Variants in TCF7L1 observed in about 807,000 individuals in gnomAD.
TCF7L1 encodes transcription factor 7 like 1.
In TCF7L1, 18 loss-of-function variants were observed where a neutral mutation model predicts 63.7. The ratio of observed to expected loss-of-function variants is 0.28; its 90% CI spans 0.20 to 0.42. The LOEUF is 0.42. Ranked by LOEUF, TCF7L1 falls within the 10% of genes least tolerant of loss-of-function variation. The probability of loss-of-function intolerance (pLI) is 1.00; values close to 1 mark genes in which losing one functional copy is unlikely to be tolerated. For missense variants in TCF7L1, 654 were observed against 779.3 expected, an observed-to-expected ratio of 0.84 and a Z score of 1.91; for synonymous variants, 355 against 340.9, an observed-to-expected ratio of 1.04 and a Z score of -0.46.
At chr2:85,245,986 C>A (rs1680455396) in intron 3 of TCF7L1, among the ~76,000 whole-genome samples, 1 of 152,172 alleles carries the variant, frequency 6.6e-6, no homozygotes, top group African/African-American at 2.4e-5. Context: ...CCAGAAAGAT[C>A]TCCAAGTGAA....
In TCF7L1 at chr2:85,175,685, C is replaced by G. The variant is rs1367447682; in HGVS notation, c.441+41235C>G. 2.0e-5 allele frequency among the ~76,000 whole-genome samples: 3 copies of G among 152,122 alleles called. No homozygotes were observed. In the East Asian group the frequency reaches 5.8e-4, roughly 29 times the overall value. ...CGCTGTTATCTGTATTCATTGTCTG[C>G]CTAAATAGTAGTGAACAGAGAAAAA... On this transcript the variant is annotated intron_variant, in intron 3 of 11. Transcript: ENST00000282111.
chr2:85,189,300 C>A (rs546093880), intron 3 of TCF7L1, among the ~76,000 whole-genome samples: 39 of 152,186 alleles, frequency 2.6e-4, no homozygotes, highest in Non-Finnish European at 4.6e-4. Context: ...CTTTCGAGAT[C>A]ATTTTTCTTG....
chr2:85,241,085 C>G (rs1680309463), intron 3 of TCF7L1, among the ~76,000 whole-genome samples: 2 of 152,174 alleles, frequency 1.3e-5, no homozygotes, highest in Admixed American at 6.5e-5. Context: ...ATCAGGAAAT[C>G]AGAAAGTACA....
chr2:85,305,784 C>A (rs1259735559), intron 8 of TCF7L1, among the ~76,000 whole-genome samples: 2 of 152,110 alleles, frequency 1.3e-5, no homozygotes, highest in East Asian at 1.9e-4. Context: ...GCACCAGGGT[C>A]CTTACCTTGC....
intron 3 of TCF7L1, among the ~76,000 whole-genome samples, chr2:85,184,599 T>C (rs948653687): frequency 6.6e-6 from 1 of 152,172 alleles, no homozygotes; most frequent in Non-Finnish European, 1.5e-5. Context: ...GAAGGCCAGA[T>C]TCCTCACCTG....
intron 11 of TCF7L1, among the ~76,000 whole-genome samples, 183 bp downstream of exon 11, chr2:85,307,900 G>T (rs1040171279): frequency 1.3e-5 from 2 of 152,160 alleles, no homozygotes; most frequent in Non-Finnish European, 2.9e-5. Flanking sequence ...ATTTTCCCAG[G>T]CACTCTGCTT....
chr2:85,208,058 C>T lies in TCF7L1; in HGVS notation c.441+73608C>T, dbSNP rs1449866098. ...AGTAGCTGGGACTACAGGCGCCCGCCACCACACATGGCCAATTTTTTGTGT... is the reference window on the plus strand; with the variant it reads ...AGTAGCTGGGACTACAGGCGCCCGCTACCACACATGGCCAATTTTTTGTGT... On this transcript the variant is annotated intron_variant, in intron 3 of 11. Coordinates refer to ENST00000282111, the MANE Select transcript of TCF7L1 (RefSeq NM_031283.3). 2.0e-5 allele frequency among the ~76,000 whole-genome samples: 3 copies of T among 152,080 alleles called. No individual in the cohort carries two copies. In the East Asian group the frequency reaches 5.8e-4, roughly 29 times the overall value.
At chr2:85,300,861 C>G (rs1681954714) in intron 4 of TCF7L1, among the ~76,000 whole-genome samples, 1 of 151,844 alleles carries the variant, frequency 6.6e-6, no homozygotes, top group Non-Finnish European at 1.5e-5. Context: ...CTCACTGCAG[C>G]CTCTGCCTCC....
chr2:85,207,439 A>G (rs557848636), intron 3 of TCF7L1, among the ~76,000 whole-genome samples: 91 of 152,158 alleles, frequency 6.0e-4, no homozygotes, highest in Middle Eastern at 3.4e-3. Flanking sequence ...CACCCTTGGC[A>G]CTTATCTGAA....
At chr2:85,142,521 A>G (rs1023921189) in intron 3 of TCF7L1, among the ~76,000 whole-genome samples, 13 of 151,332 alleles carry the variant, frequency 8.6e-5, no homozygotes, top group African/African-American at 3.2e-4. Context: ...ACACAGACAC[A>G]ATTTGTGTGT....
In TCF7L1 at chr2:85,150,472, T is replaced by C. The variant is rs552101653; in HGVS notation, c.441+16022T>C. On this transcript the variant is annotated intron_variant, in intron 3 of 11. Transcript: ENST00000282111. ...TGGTCTCGATCTCCTGACCTCGTGA[T>C]CCACCCGCCTTGGCCTCCCAAAGTG... 2.6e-5 allele frequency among the ~76,000 whole-genome samples: 4 copies of C among 152,262 alleles called. No individual in the cohort carries two copies. In the South Asian group the frequency reaches 8.3e-4, roughly 32 times the overall value.
intron 3 of TCF7L1, among the ~76,000 whole-genome samples, chr2:85,154,474 T>C (rs990562535): frequency 1.3e-5 from 2 of 152,120 alleles, no homozygotes; most frequent in Non-Finnish European, 2.9e-5. Flanking sequence ...GGGAGTGTAT[T>C]ATGCAGGATT....
chr2:85,302,275 G>A (rs967687095), intron 4 of TCF7L1, among the ~76,000 whole-genome samples: 2 of 152,166 alleles, frequency 1.3e-5, no homozygotes, highest in African/African-American at 2.4e-5. Context: ...CACAGTGCAC[G>A]TGAGGGGAGC....
chr2:85,208,854 G>A (rs922796371), intron 3 of TCF7L1, among the ~76,000 whole-genome samples: 1 of 152,160 alleles, frequency 6.6e-6, no homozygotes, highest in Non-Finnish European at 1.5e-5. Context: ...TTCTCCTGTT[G>A]AGAGACAATA....
At chr2:85,147,471 G>A (rs1439840579) in intron 3 of TCF7L1, among the ~76,000 whole-genome samples, 1 of 152,080 alleles carries the variant, frequency 6.6e-6, no homozygotes, top group African/African-American at 2.4e-5. Flanking sequence ...GTGGTAGGGC[G>A]CTAGGTGGAG....
At chr2:85,265,822 C>A (rs1213713439) in intron 3 of TCF7L1, among the ~76,000 whole-genome samples, 1 of 151,124 alleles carries the variant, frequency 6.6e-6, no homozygotes, top group Non-Finnish European at 1.5e-5. Flanking sequence ...AAAGTGATTC[C>A]CATTGCATAT....
intron 5 of TCF7L1, chr2:85,303,641 G>T (rs1290676787): frequency 1.1e-5 from 4 of 375,542 alleles, no homozygotes; most frequent in Non-Finnish European, 1.9e-5. Context: ...ATCACAGCCA[G>T]CTGGAAGATA....
At chr2:85,161,618 G>A (rs924932620) in intron 3 of TCF7L1, among the ~76,000 whole-genome samples, 29 of 152,342 alleles carry the variant, frequency 1.9e-4, no homozygotes, top group Admixed American at 9.8e-4. Flanking sequence ...GGGGAGCCAG[G>A]TTAACACGTG....
chr2:85,264,625 G>A (rs931577755), intron 3 of TCF7L1, among the ~76,000 whole-genome samples: 3 of 152,194 alleles, frequency 2.0e-5, no homozygotes, highest in Non-Finnish European at 2.9e-5. Context: ...TAGAATTGGT[G>A]TTCTACTAGG....
Sources: gnomAD v4.1 joint callset for allele counts (sites outside exome capture counted in the v4.1 genomes callset) on GRCh38, gnomAD v4.1.1 for gene constraint, MANE v1.5 for transcripts, NCBI Gene and HGNC (gene_info 2026-07-23, HGNC 2026-07-21) for gene names.